The following NCAM2 variants were observed in gnomAD, a reference collection of about 807,000 sequenced individuals.
The protein encoded by NCAM2 is N-CAM-2.
Under a neutral mutation model 98.1 loss-of-function variants are expected in NCAM2, and 30 were observed. The ratio of observed to expected loss-of-function variants is 0.31; its 90% CI spans 0.23 to 0.41. The LOEUF (loss-of-function observed/expected upper bound fraction) is 0.41, where lower values mean the gene tolerates loss of function less well. Among genes scored for constraint, NCAM2 ranks in the 10% least tolerant of loss-of-function variants. The pLI is 1.00. For synonymous variants in NCAM2, 368 were observed against 342.4 expected, an observed-to-expected ratio of 1.07 and a Z score of -0.83; for missense variants, 867 against 1,005.8, an observed-to-expected ratio of 0.86 and a Z score of 1.87.
chr21:21,362,392 CTTT>C (rs35130794), intron 8 of NCAM2, among the ~76,000 whole-genome samples: 2 of 147,236 alleles, frequency 1.4e-5, no homozygotes, highest in African/African-American at 2.5e-5. Context: ...TCATATTCTA[CTTT>C]TTTTTTTTTT....
At chr21:21,467,124 T>C (rs1281706429) in intron 13 of NCAM2, among the ~76,000 whole-genome samples, 1 of 151,880 alleles carries the variant, frequency 6.6e-6, no homozygotes, top group Non-Finnish European at 1.5e-5. Context: ...ACAAATTATA[T>C]GGGCTCTAAG....
intron 16 of NCAM2, among the ~76,000 whole-genome samples, chr21:21,528,648 C>T (rs1157375936): frequency 3.9e-5 from 6 of 151,992 alleles, no homozygotes; most frequent in South Asian, 2.1e-4. Flanking sequence ...AATACCTGTA[C>T]GTGGGAAAGT....
chr21:21,210,660 A>AC (rs1568773880), intron 1 of NCAM2: 1 of 1,279,704 alleles, frequency 7.8e-7, no homozygotes, highest in Non-Finnish European at 1.0e-6. Flanking sequence ...TTTATCTTGA[A>AC]GAAGGGCAAC....
intron 1 of NCAM2, among the ~76,000 whole-genome samples, chr21:21,222,923 G>T (rs1171855710): frequency 6.6e-6 from 1 of 152,092 alleles, no homozygotes; most frequent in Non-Finnish European, 1.5e-5. Flanking sequence ...CTTTATTGTT[G>T]TCTTGTTTTA....
chr21:21,087,631 A>C (rs1418257582), intron 1 of NCAM2, among the ~76,000 whole-genome samples: 1 of 152,096 alleles, frequency 6.6e-6, no homozygotes, highest in East Asian at 1.9e-4. Flanking sequence ...TGAGTGTGCC[A>C]TCTGTTTCTT....
intron 8 of NCAM2, among the ~76,000 whole-genome samples, chr21:21,371,458 G>A (rs1286443751): frequency 6.6e-6 from 1 of 151,748 alleles, no homozygotes; most frequent in Admixed American, 6.6e-5. Context: ...TTGTGTATCT[G>A]CATTGATCTT....
At chr21:21,161,280 G>A (rs2067774232) in intron 1 of NCAM2, among the ~76,000 whole-genome samples, 3 of 151,876 alleles carry the variant, frequency 2.0e-5, no homozygotes, top group South Asian at 4.2e-4. Context: ...GACGGAAAAA[G>A]GACTAAGTTA....
At chr21:21,309,107 C>T (rs1250636622) in intron 5 of NCAM2, among the ~76,000 whole-genome samples, 1 of 152,182 alleles carries the variant, frequency 6.6e-6, no homozygotes, top group Non-Finnish European at 1.5e-5. Flanking sequence ...GGAATGCCAT[C>T]ATAATAACTG....
intron 10 of NCAM2, among the ~76,000 whole-genome samples, chr21:21,417,996 C>T (rs2077027705): frequency 6.6e-6 from 1 of 152,008 alleles, no homozygotes. Flanking sequence ...TTAAAGCAAA[C>T]TGATCTGAGG....
intron 1 of NCAM2, among the ~76,000 whole-genome samples, chr21:21,154,479 A>G (rs1168767258): frequency 1.3e-5 from 2 of 152,018 alleles, no homozygotes; most frequent in East Asian, 3.9e-4. Flanking sequence ...TTAGTTAAAG[A>G]TGCATAATGA....
intron 1 of NCAM2, among the ~76,000 whole-genome samples, chr21:21,024,980 C>CT (rs1389185159): frequency 9.2e-5 from 14 of 151,826 alleles, no homozygotes; most frequent in African/African-American, 3.4e-4. Context: ...ATTTTATGTG[C>CT]TTTAAAAGTT....
chr21:21,184,330 G>T (rs1349941980), intron 1 of NCAM2, among the ~76,000 whole-genome samples: 2 of 151,742 alleles, frequency 1.3e-5, no homozygotes, highest in Non-Finnish European at 2.9e-5. Flanking sequence ...AAAAAGAAAA[G>T]AAAAAAGTAA....
At chr21:21,373,778 G>A (rs1451102023) in intron 8 of NCAM2, 85 bp from the exon 9 acceptor site, 2 of 1,138,848 alleles carry the variant, frequency 1.8e-6, no homozygotes, top group African/African-American at 1.6e-5. Flanking sequence ...GAGAAACATG[G>A]GAAGTAACAT....
chr21:21,233,893 C>A (rs2070722100), intron 1 of NCAM2, among the ~76,000 whole-genome samples: 1 of 151,558 alleles, frequency 6.6e-6, no homozygotes. Flanking sequence ...ATATTATATA[C>A]CATTATCAAT....
At chr21:21,441,423 A>G (rs958578301) in intron 12 of NCAM2, among the ~76,000 whole-genome samples, 3 of 152,352 alleles carry the variant, frequency 2.0e-5, no homozygotes, top group African/African-American at 7.2e-5. Context: ...AAATCTAATT[A>G]CTAAATATTC....
chr21:21,299,300 C>CTT (rs200868473), intron 5 of NCAM2, among the ~76,000 whole-genome samples: 12 of 138,698 alleles, frequency 8.7e-5, no homozygotes, highest in South Asian at 2.3e-4. Context: ...TATCTCTTGC[C>CTT]TTTTTTTTTT....
At chr21:21,147,802 A>AAT (rs35875368) in intron 1 of NCAM2, among the ~76,000 whole-genome samples, 77,385 of 148,564 alleles carry the variant, frequency 0.52, 21,056 homozygotes, top group Non-Finnish European at 0.6. Context: ...AAATTTATTG[A>AAT]ATATATATAT....
chr21:21,108,979 T>C (rs1030945708), intron 1 of NCAM2, among the ~76,000 whole-genome samples: 1 of 152,164 alleles, frequency 6.6e-6, no homozygotes, highest in African/African-American at 2.4e-5. Context: ...ACAGTTATGA[T>C]AATGGTTTCT....
intron 9 of NCAM2, among the ~76,000 whole-genome samples, chr21:21,374,982 C>T (rs925389256): frequency 1.3e-5 from 2 of 151,230 alleles, no homozygotes; most frequent in Non-Finnish European, 3.0e-5. Flanking sequence ...AAAGACCAAT[C>T]AGAAACTTCT....
Sources: allele counts gnomAD v4.1 joint callset (sites outside exome capture counted in the v4.1 genomes callset), GRCh38; gene constraint gnomAD v4.1.1; transcripts MANE v1.5; gene names NCBI Gene and HGNC (gene_info 2026-07-23, HGNC 2026-07-21).